Variants in LYN observed in about 807,000 individuals in gnomAD.
LYN encodes the protein tyrosine-protein kinase Lyn.
Under a neutral mutation model 65.0 loss-of-function variants are expected in LYN, and 12 were observed. The ratio of observed to expected loss-of-function variants is 0.18; its 90% confidence interval spans 0.12 to 0.30. LYN has a LOEUF of 0.30. LYN is among the 10% of genes least tolerant of loss of function. The probability of loss-of-function intolerance (pLI) is 1.00; values close to 1 mark genes in which losing one functional copy is unlikely to be tolerated. For missense variants in LYN, 380 were observed against 623.2 expected (o/e 0.61, Z 4.16); for synonymous variants, 222 against 221.2 (o/e 1.00, Z -0.03).
chr8:55,961,749 G>A (rs1049742183), intron 8 of LYN, among the ~76,000 whole-genome samples: 1 of 152,072 alleles, frequency 6.6e-6, no homozygotes, highest in African/African-American at 2.4e-5. Context: ...GCTATGTAAT[G>A]TAACAAGCAG....
intron 10 of LYN, among the ~76,000 whole-genome samples, chr8:55,996,760 C>T (rs1254407529): frequency 5.9e-5 from 9 of 152,194 alleles, no homozygotes; most frequent in African/African-American, 1.4e-4. Flanking sequence ...TATTCAGCAA[C>T]GAGTAGTAGT....
intron 1 of LYN, among the ~76,000 whole-genome samples, chr8:55,908,985 G>GTATGTGTATATATA (rs1805507923): frequency 1.1e-4 from 2 of 17,692 alleles, no homozygotes; most frequent in African/African-American, 7.8e-4. Context: ...ATTCCATTGT[G>GTATGTGTATATATA]TATGTATATA....
intron 1 of LYN, among the ~76,000 whole-genome samples, chr8:55,885,795 C>T (rs1207498894): frequency 6.6e-6 from 1 of 152,158 alleles, no homozygotes; most frequent in Admixed American, 6.5e-5. Context: ...AGAGAAAAGG[C>T]CCCAGAGGAG....
chr8:55,959,969 C>T (rs188924505), intron 8 of LYN, among the ~76,000 whole-genome samples: 1 of 152,262 alleles, frequency 6.6e-6, no homozygotes, highest in East Asian at 1.9e-4. Flanking sequence ...ATAGGCAAAT[C>T]TAGAGTTAGA....
intron 1 of LYN, among the ~76,000 whole-genome samples, chr8:55,932,554 G>A (rs1340448990): frequency 6.6e-6 from 1 of 152,022 alleles, no homozygotes; most frequent in Non-Finnish European, 1.5e-5. Flanking sequence ...CTGAGTAGCT[G>A]GGATCACAAG....
intron 1 of LYN, among the ~76,000 whole-genome samples, chr8:55,897,431 T>TGGTTTCGA (rs1346384926): frequency 6.6e-6 from 1 of 152,050 alleles, no homozygotes; most frequent in East Asian, 1.9e-4. Context: ...TTGCACATGG[T>TGGTTTCGA]GGTTTCGAGG....
chr8:55,970,023 C>T (rs1807568526), intron 10 of LYN, among the ~76,000 whole-genome samples: 1 of 152,188 alleles, frequency 6.6e-6, no homozygotes, highest in African/African-American at 2.4e-5. Flanking sequence ...TTCTATAAAC[C>T]AAGTCAACCT....
chr8:55,985,253 T>C (rs1292130141), intron 10 of LYN, among the ~76,000 whole-genome samples: 1 of 152,210 alleles, frequency 6.6e-6, no homozygotes, highest in Non-Finnish European at 1.5e-5. Flanking sequence ...TCCTACCTGG[T>C]GAGCAAAATG....
In LYN at chr8:55,941,947, A is replaced by G. The variant is rs377153434; in HGVS notation, c.88A>G (p.Thr30Ala). 41 of 1,613,416 alleles carry G rather than the reference A, an allele frequency of 2.5e-5. No individual in the cohort carries two copies. The highest frequency in any genetic ancestry group is 3.0e-5 in the Non-Finnish European group (35 of 1,179,652). Residue 30 changes from threonine to alanine, a missense_variant, in exon 2 of 13, where the codon ACT becomes GCT. Physicochemically the swap from Thr to Ala is moderately conservative, Grantham distance 58. Coordinates refer to ENST00000519728, the MANE Select transcript of LYN (RefSeq NM_002350.4). ...KTQPVRNTER[T>A]IYVRDPTSNK... is the part of the protein sequence containing the mutation. Reference sequence around the variant, plus strand: ...TCAACCAGTACGTAATACTGAAAGAACTATTTATGTGAGAGATCCAACGTC... The same window carrying G: ...TCAACCAGTACGTAATACTGAAAGAGCTATTTATGTGAGAGATCCAACGTC...
chr8:55,976,913 A>G (rs1415229798), intron 10 of LYN, among the ~76,000 whole-genome samples: 1 of 152,154 alleles, frequency 6.6e-6, no homozygotes, highest in Non-Finnish European at 1.5e-5. Context: ...GGCCGAGCAC[A>G]GTGGCTCATG....
At chr8:55,893,760 T>C (rs1389802251) in intron 1 of LYN, 1 of 151,660 alleles carries the variant, frequency 6.6e-6, no homozygotes, top group Non-Finnish European at 1.5e-5. Context: ...AAACTTTTTT[T>C]TAAAGAAAAT....
Position 56,010,465 on chromosome 8 carries a change from C to T in LYN, c.*355C>T. ...GACATAGGACTCAAAGTTTCAGAGA[C>T]CATTGCAATGAATCCCCAATAATTG... is the stretch of plus-strand genomic sequence containing the variant. On this transcript the variant is annotated 3_prime_UTR_variant, in exon 13 of 13. Coordinates refer to ENST00000519728, the MANE Select transcript of LYN (RefSeq NM_002350.4). The T allele has an allele frequency of 3.3e-6, 1 of 307,256 alleles. No individual in the cohort carries two copies. The highest frequency in any genetic ancestry group is 5.9e-5 in the South Asian group (1 of 17,008). The allele number at this position is 307,256 out of a possible 1,614,324, so 19.0% of individuals were successfully genotyped here.
At chr8:55,953,733 G>A (rs143057145) in intron 7 of LYN, 99 bp from the exon 8 acceptor site, 1,535 of 1,044,052 alleles carry the variant, frequency 1.5e-3, no homozygotes, top group Admixed American at 3.2e-3. Context: ...ACTGCGGCAG[G>A]TTGGACACTA....
At chr8:55,923,644 A>G (rs1334661575) in intron 1 of LYN, among the ~76,000 whole-genome samples, 3 of 152,018 alleles carry the variant, frequency 2.0e-5, no homozygotes, top group African/African-American at 7.3e-5. Flanking sequence ...GGTTCAAGCG[A>G]TTCTCCTGCC....
intron 2 of LYN, among the ~76,000 whole-genome samples, chr8:55,946,024 G>A (rs1806765359): frequency 6.6e-6 from 1 of 152,200 alleles, no homozygotes; most frequent in African/African-American, 2.4e-5. Flanking sequence ...AGAGGCAAGG[G>A]AAAAGGGGAG....
chr8:55,951,936 A>G, intron 6 of LYN, 30 bp from the exon 7 acceptor site: 1 of 1,596,076 alleles, frequency 6.3e-7, no homozygotes, highest in South Asian at 1.1e-5. Context: ...TGTGAGATAT[A>G]AACATTTACT....
intron 10 of LYN, among the ~76,000 whole-genome samples, chr8:55,989,641 C>G (rs1304346429): frequency 6.6e-6 from 1 of 152,158 alleles, no homozygotes; most frequent in Non-Finnish European, 1.5e-5. Flanking sequence ...GCATTCCACT[C>G]AAATGTTTCT....
intron 1 of LYN, among the ~76,000 whole-genome samples, chr8:55,915,948 G>A (rs1383080229): frequency 1.3e-5 from 2 of 152,102 alleles, no homozygotes; most frequent in Non-Finnish European, 2.9e-5. Flanking sequence ...TATGACATGA[G>A]TATGTTTCTA....
intron 12 of LYN, among the ~76,000 whole-genome samples, chr8:56,003,784 T>C (rs1451378962): frequency 6.6e-6 from 1 of 151,774 alleles, no homozygotes. Context: ...GCAAACTCAT[T>C]TTTAGAGGAG....
Sources: allele counts gnomAD v4.1 joint callset (sites outside exome capture counted in the v4.1 genomes callset), GRCh38; gene constraint gnomAD v4.1.1; transcripts MANE v1.5; gene names NCBI Gene and HGNC (gene_info 2026-07-23, HGNC 2026-07-21).